The following HCK variants were observed in gnomAD, a reference collection of about 807,000 sequenced individuals.
HCK encodes tyrosine-protein kinase HCK.
In HCK, 40 loss-of-function variants were observed where a neutral mutation model predicts 70.4. The ratio of observed to expected loss-of-function variants is 0.57; its 90% CI spans 0.44 to 0.74. HCK has a LOEUF of 0.74. HCK is among the 30% of genes least tolerant of loss of function. The pLI, the probability that HCK is intolerant of heterozygous loss-of-function variation, is 0.00. For missense variants in HCK, 568 were observed against 697.2 expected (o/e 0.81, Z 2.09); for synonymous variants, 245 against 263.2 (o/e 0.93, Z 0.67).
intron 1 of HCK, among the ~76,000 whole-genome samples, chr20:32,059,916 A>G (rs993189760): frequency 6.6e-6 from 1 of 152,204 alleles, no homozygotes; most frequent in Non-Finnish European, 1.5e-5. Context: ...AAAATAAAAG[A>G]AACTGAGACC....
chr20:32,083,587 A>G (rs918335942), intron 6 of HCK, among the ~76,000 whole-genome samples: 13 of 152,232 alleles, frequency 8.5e-5, no homozygotes, highest in African/African-American at 2.9e-4. Context: ...TACAGGCATT[A>G]CTTCTTTTAG....
intron 1 of HCK, among the ~76,000 whole-genome samples, chr20:32,067,055 G>A (rs755426787): frequency 2.6e-5 from 4 of 151,992 alleles, no homozygotes; most frequent in Non-Finnish European, 4.4e-5. Context: ...CTTTTTATAC[G>A]AACTTACTAA....
chr20:32,087,034 C>T (rs993922732), intron 9 of HCK, among the ~76,000 whole-genome samples: 2 of 152,166 alleles, frequency 1.3e-5, no homozygotes, highest in South Asian at 2.1e-4. Flanking sequence ...CAAGGGGCTA[C>T]CAGGAGAAGG....
In HCK at chr20:32,101,322, T is replaced by C; in HGVS notation, c.1384T>C (p.Ser462Pro). 1 of 1,613,768 alleles carries C rather than the reference T, an allele frequency of 6.2e-7. No homozygotes were observed. Among genetic ancestry groups the C allele is most frequent in the Non-Finnish European group, 8.5e-7 (1 of 1,179,840 alleles). ...ATTCCACGGCTCCTTTTCAGGGATG[T>C]CAAACCCTGAAGTGATCCGAGCTCT... The change falls in exon 13 of 13, where the codon TCA (serine) becomes CCA (proline). Residue 462 changes from serine to proline, a missense_variant. Transcript: ENST00000375852.
chr20:32,084,961 T>C lies in HCK; in HGVS notation c.835+418T>C, dbSNP rs148201037. Among the ~76,000 whole-genome samples, 5 of 152,230 alleles carry C rather than the reference T, an allele frequency of 3.3e-5. No individual in the cohort carries two copies. The East Asian group carries it at 9.6e-4, about 29-fold the overall frequency. ...GCACCTGCTGTGTGCCCAGCACTGT[T>C]AGGGTCTTGTGGGAAAATCAGAAAG... On this transcript the variant is annotated intron_variant, in intron 8 of 12. Coordinates refer to ENST00000375852, the MANE Select transcript of HCK (RefSeq NM_002110.5).
chr20:32,073,488 T>C (rs975036078), intron 3 of HCK, 127 bp downstream of exon 3: 5 of 825,946 alleles, frequency 6.1e-6, no homozygotes, highest in Non-Finnish European at 7.7e-6. Flanking sequence ...AAATTTCCTC[T>C]GAAGTGCTTT....
chr20:32,052,548 G>A, intron 1 of HCK, 62 bp downstream of exon 1: 3 of 1,162,144 alleles, frequency 2.6e-6, no homozygotes, highest in Non-Finnish European at 3.3e-6. Context: ...GGAGGCGGAG[G>A]GAGCCCAGGA....
At chr20:32,052,524 C>T in intron 1 of HCK, 38 bp downstream of exon 1, 3 of 1,246,758 alleles carry the variant, frequency 2.4e-6, no homozygotes, top group South Asian at 3.3e-5. Flanking sequence ...ATACCCGGCC[C>T]GCGAGGGGTC....
intron 11 of HCK, among the ~76,000 whole-genome samples, chr20:32,097,834 T>C (rs1024665613): frequency 1.3e-5 from 2 of 152,132 alleles, no homozygotes; most frequent in African/African-American, 2.4e-5. Context: ...ATATATTCTA[T>C]AGACCATGTT....
Position 32,069,306 on chromosome 20 carries a change from T to C in HCK, c.63-2356T>C, listed in dbSNP as rs577652073. On this transcript the variant is annotated intron_variant, in intron 1 of 12. Transcript: ENST00000375852. ...CGGGACCCTGTGGCCATCTTGAATATGTACATTGATCACGTAAGTGAAGCA... is the reference window on the plus strand; with the variant it reads ...CGGGACCCTGTGGCCATCTTGAATACGTACATTGATCACGTAAGTGAAGCA... Among the ~76,000 whole-genome samples, 5 of 152,332 alleles carry C rather than the reference T, an allele frequency of 3.3e-5. No homozygotes were observed. In the East Asian group the frequency reaches 9.6e-4, roughly 29 times the overall value.
At chr20:32,078,873 AAAAAAAG>A in intron 5 of HCK, among the ~76,000 whole-genome samples, 1 of 150,930 alleles carries the variant, frequency 6.6e-6, no homozygotes, top group South Asian at 2.1e-4. Context: ...AAAAAAAAAA[AAAAAAAG>A]GGGGGGAATG....
intron 5 of HCK, among the ~76,000 whole-genome samples, chr20:32,077,140 C>A (rs927714326): frequency 6.6e-6 from 1 of 152,104 alleles, no homozygotes; most frequent in Non-Finnish European, 1.5e-5. Context: ...TCAGGGCACT[C>A]AGGGGTCCTT....
chr20:32,083,722 C>T (rs1051205290), intron 6 of HCK, among the ~76,000 whole-genome samples, 172 bp from the exon 7 acceptor site: 2 of 152,206 alleles, frequency 1.3e-5, no homozygotes, highest in African/African-American at 4.8e-5. Context: ...TGTGGTAGAG[C>T]CTGGATGAGA....
chr20:32,094,878 C>T (rs1221613886), intron 11 of HCK, among the ~76,000 whole-genome samples: 2 of 151,370 alleles, frequency 1.3e-5, no homozygotes, highest in Non-Finnish European at 2.9e-5. Flanking sequence ...CAAGCCAATG[C>T]TAAATGCACC....
intron 1 of HCK, among the ~76,000 whole-genome samples, chr20:32,057,748 G>T (rs1363470407): frequency 1.3e-5 from 2 of 151,992 alleles, no homozygotes; most frequent in African/African-American, 2.4e-5. Flanking sequence ...TATACCACAA[G>T]TCATCAAGCA....
intron 10 of HCK, among the ~76,000 whole-genome samples, chr20:32,092,533 T>C (rs1300318686): frequency 1.3e-5 from 2 of 152,188 alleles, no homozygotes; most frequent in Non-Finnish European, 2.9e-5. Context: ...CGCAGTCTGT[T>C]AGTCACTCAG....
chr20:32,059,754 G>A (rs935348523), intron 1 of HCK, among the ~76,000 whole-genome samples: 1 of 151,964 alleles, frequency 6.6e-6, no homozygotes, highest in East Asian at 1.9e-4. Flanking sequence ...CGGCTCAAAC[G>A]ATCCTCCTGT....
In HCK at chr20:32,073,778, C is replaced by T; in HGVS notation, c.289C>T (p.Leu97Phe). 1 of 1,555,566 alleles carries T rather than the reference C, an allele frequency of 6.4e-7. No individual in the cohort carries two copies. The highest frequency in any genetic ancestry group is 1.2e-5 in the South Asian group (1 of 84,364). The change falls in exon 4 of 13, where the codon CTC becomes TTC. Residue 97 changes from leucine (L) to phenylalanine (F), a missense_variant. Physicochemically the swap from Leu to Phe is conservative, Grantham distance 22. Around this residue, in one of 4 missense-constraint regions of HCK, gnomAD observed 318 missense variants for 336.0 expected, o/e 0.95. Coordinates refer to ENST00000375852, the MANE Select transcript of HCK (RefSeq NM_002110.5). ...TTACGAGGCCATTCACCACGAAGAC[C>T]TCAGCTTCCAGAAGGGGGACCAGAT... is the stretch of plus-strand genomic sequence containing the variant.
intron 1 of HCK, among the ~76,000 whole-genome samples, chr20:32,065,414 G>A (rs1030136341): frequency 1.1e-4 from 16 of 152,122 alleles, no homozygotes; most frequent in African/African-American, 3.1e-4. Context: ...TTATTTGCTC[G>A]TGGACTGGAA....
Sources: allele counts gnomAD v4.1 joint callset (sites outside exome capture counted in the v4.1 genomes callset), GRCh38; gene constraint gnomAD v4.1.1; regional missense constraint gnomAD v4.1.1; transcripts MANE v1.5; gene names NCBI Gene and HGNC (gene_info 2026-07-23, HGNC 2026-07-21).